Variants in RORA observed in about 807,000 individuals in gnomAD.
RORA encodes the protein nuclear receptor ROR-alpha.
In RORA, 7 loss-of-function variants were observed where a neutral mutation model predicts 69.5. The observed-to-expected ratio is 0.10, with a 90% confidence interval of 0.06 to 0.19. The LOEUF (loss-of-function observed/expected upper bound fraction) is 0.19, where lower values mean the gene tolerates loss of function less well. Among genes scored for constraint, RORA ranks in the 10% least tolerant of loss-of-function variants. The pLI is 1.00. For synonymous variants in RORA, 261 were observed against 240.8 expected, an observed-to-expected ratio of 1.08 and a Z score of -0.78; for missense variants, 457 against 663.0, an observed-to-expected ratio of 0.69 and a Z score of 3.41.
intron 1 of RORA, among the ~76,000 whole-genome samples, chr15:61,073,052 G>A (rs959048555): frequency 7.2e-5 from 11 of 152,152 alleles, no homozygotes; most frequent in Non-Finnish European, 1.3e-4. Flanking sequence ...TCCACTTTTC[G>A]CCACCATCAA....
intron 1 of RORA, among the ~76,000 whole-genome samples, chr15:61,144,608 A>C (rs1362534137): frequency 1.3e-5 from 2 of 152,236 alleles, no homozygotes; most frequent in Non-Finnish European, 2.9e-5. Context: ...AATCAAAACA[A>C]GTATCATCTC....
chr15:60,860,776 C>T (rs56401043), intron 1 of RORA, among the ~76,000 whole-genome samples: 2,274 of 152,320 alleles, frequency 0.015, 23 homozygotes, highest in Admixed American at 0.025. Context: ...TGTACACTTA[C>T]TGGGCACCCA....
At position 60,905,302 on chromosome 15, in the gene RORA, G is replaced by T. The variant is rs1161963097; in HGVS notation, c.167-226616C>A. Among the ~76,000 whole-genome samples, 1 of 152,204 alleles carries T rather than the reference G, an allele frequency of 6.6e-6. No homozygotes were observed. The highest frequency in any genetic ancestry group is 1.5e-5 in the Non-Finnish European group (1 of 68,044). ...TGTTTTTTCTCCAGAGCAGCCAGAG[G>T]TTCCTTAATTTGCATCGTTATATGA... On this transcript the variant is annotated intron_variant, in intron 1 of 10. Transcript: ENST00000335670. This position sits in a 1 kb window ranked among gnomAD's most constrained non-coding sequence, Gnocchi z 4.8.
intron 1 of RORA, among the ~76,000 whole-genome samples, chr15:60,856,856 A>C (rs2073385724): frequency 6.6e-6 from 1 of 152,200 alleles, no homozygotes; most frequent in Admixed American, 6.5e-5. Flanking sequence ...TTCTGGGGAC[A>C]AATTAGTTTA....
chr15:60,669,057 G>T (rs2070423765), intron 2 of RORA, among the ~76,000 whole-genome samples: 1 of 152,178 alleles, frequency 6.6e-6, no homozygotes, highest in Non-Finnish European at 1.5e-5. Context: ...AAAAGGGTTG[G>T]AAAGACAGAG....
At chr15:61,059,401 G>C (rs922748828) in intron 1 of RORA, among the ~76,000 whole-genome samples, 2 of 152,226 alleles carry the variant, frequency 1.3e-5, no homozygotes, top group South Asian at 2.1e-4. Context: ...TTATTCAACT[G>C]TAGATAATAT....
At chr15:60,569,152 C>T (rs2067803272) in intron 2 of RORA, among the ~76,000 whole-genome samples, 2 of 151,110 alleles carry the variant, frequency 1.3e-5, no homozygotes, top group Non-Finnish European at 1.5e-5. Flanking sequence ...GTGCCTTGTT[C>T]ATTTTGCACT....
intron 1 of RORA, among the ~76,000 whole-genome samples, chr15:61,192,753 C>T (rs1220868299): frequency 6.6e-6 from 1 of 152,198 alleles, no homozygotes; most frequent in Non-Finnish European, 1.5e-5. Context: ...GATTTGTTTC[C>T]TAGAGACTTG....
intron 1 of RORA, among the ~76,000 whole-genome samples, chr15:61,175,311 A>G (rs2079618112): frequency 6.6e-6 from 1 of 152,128 alleles, no homozygotes; most frequent in Non-Finnish European, 1.5e-5. Context: ...CCAGTCCTCA[A>G]TGAGCACAAA....
chr15:60,685,171 G>A (rs1034665560), intron 1 of RORA, among the ~76,000 whole-genome samples: 14 of 152,198 alleles, frequency 9.2e-5, no homozygotes, highest in African/African-American at 2.6e-4. Context: ...GGGATAATCC[G>A]GGAAGGCAGC....
intron 1 of RORA, among the ~76,000 whole-genome samples, chr15:60,740,672 T>C (rs927008233): frequency 2.0e-5 from 3 of 152,120 alleles, no homozygotes; most frequent in Admixed American, 6.5e-5. Flanking sequence ...AATAAAAAAA[T>C]CTCAGTGGCA....
rs542567252 is a variant in RORA, at chr15:61,172,758, A to T, written c.166+56295T>A. Reference sequence around the variant, plus strand: ...CAGTTTTCTACTATTTTCCGTTAGAATCATTTCCAGGGTAAATCACACTTC... The same window carrying T: ...CAGTTTTCTACTATTTTCCGTTAGATTCATTTCCAGGGTAAATCACACTTC... On this transcript the variant is annotated intron_variant, in intron 1 of 10. Coordinates refer to ENST00000335670, the MANE Select transcript of RORA (RefSeq NM_134261.3). Among the ~76,000 whole-genome samples the T allele has an allele frequency of 3.3e-5, 5 of 152,326 alleles. No homozygotes were observed. In the South Asian group the frequency reaches 1.0e-3, roughly 32 times the overall value.
intron 1 of RORA, among the ~76,000 whole-genome samples, chr15:60,749,398 A>G (rs1349396839): frequency 6.6e-6 from 1 of 152,160 alleles, no homozygotes; most frequent in Non-Finnish European, 1.5e-5. Flanking sequence ...ATTTCTGTAA[A>G]TGCTTATTTT....
At chr15:60,966,291 G>A (rs1000982228) in intron 1 of RORA, among the ~76,000 whole-genome samples, 1 of 152,118 alleles carries the variant, frequency 6.6e-6, no homozygotes. Context: ...TGAGTATGGG[G>A]ATTAGGACTT....
chr15:60,837,005 G>T (rs1157045125), intron 1 of RORA, among the ~76,000 whole-genome samples: 2 of 150,892 alleles, frequency 1.3e-5, no homozygotes, highest in African/African-American at 4.9e-5. Context: ...CTAAACTCAT[G>T]CTCACATACA....
chr15:60,857,590 C>T (rs1051264423), intron 1 of RORA, among the ~76,000 whole-genome samples: 1 of 152,074 alleles, frequency 6.6e-6, no homozygotes, highest in African/African-American at 2.4e-5. Flanking sequence ...GGCATCAAGA[C>T]TCAGCCTCAA....
chr15:60,974,912 G>A (rs956763624), intron 1 of RORA, among the ~76,000 whole-genome samples: 4 of 152,212 alleles, frequency 2.6e-5, no homozygotes, highest in Non-Finnish European at 4.4e-5. Context: ...AAAAGAGGAT[G>A]GGGAAAGGCT....
intron 1 of RORA, among the ~76,000 whole-genome samples, chr15:60,714,983 G>A (rs182602188): frequency 6.6e-6 from 1 of 152,288 alleles, no homozygotes; most frequent in East Asian, 1.9e-4. Flanking sequence ...TGGAATTCAA[G>A]TCTTTTGGCT....
intron 1 of RORA, among the ~76,000 whole-genome samples, chr15:60,777,310 G>A (rs780923533): frequency 3.3e-5 from 5 of 152,132 alleles, no homozygotes; most frequent in South Asian, 2.1e-4. Context: ...AAATCACAAC[G>A]AGCAGCCTCA....
Sources: gnomAD v4.1 joint callset for allele counts (sites outside exome capture counted in the v4.1 genomes callset) on GRCh38, gnomAD v4.1.1 for gene constraint, Gnocchi (gnomAD v3.1) non-coding constraint, MANE v1.5 for transcripts, NCBI Gene and HGNC (gene_info 2026-07-23, HGNC 2026-07-21) for gene names.